TMEM132C: variants seen among roughly 807,000 people sequenced by gnomAD.
TMEM132C encodes protein phosphatase 1, regulatory subunit 152.
A neutral mutation model predicts 61.4 loss-of-function variants in TMEM132C; 29 were observed. The observed-to-expected ratio is 0.47, with a 90% CI of 0.35 to 0.64. TMEM132C has a LOEUF of 0.64. Among genes scored for constraint, TMEM132C ranks in the 30% least tolerant of loss-of-function variants. TMEM132C has a pLI of 0.00. For synonymous variants in TMEM132C, 656 were observed against 633.1 expected, an observed-to-expected ratio of 1.04 and a Z score of -0.54; for missense variants, 1,408 against 1,476.9, an observed-to-expected ratio of 0.95 and a Z score of 0.76.
At chr12:128,622,351 AAAAAAAAAAATATATATATATATAT>A (rs1953970579) in intron 4 of TMEM132C, among the ~76,000 whole-genome samples, 1 of 64,064 alleles carries the variant, frequency 1.6e-5, no homozygotes, top group African/African-American at 8.3e-5. Flanking sequence ...CTCAAAAAAA[AAAAAAAAAAATATATATATATATAT>A]ATATATATAT....
At chr12:128,358,493 T>TTTGTGTGTGTGTGTG (rs1555220207) in intron 1 of TMEM132C, among the ~76,000 whole-genome samples, 10 of 144,900 alleles carry the variant, frequency 6.9e-5, no homozygotes, top group Non-Finnish European at 1.2e-4. Flanking sequence ...ACTTTTAAAA[T>TTTGTGTGTGTGTGTG]TGTGTGTGTG....
chr12:128,663,751 C>T (rs1954418860), intron 4 of TMEM132C, among the ~76,000 whole-genome samples: 1 of 152,042 alleles, frequency 6.6e-6, no homozygotes, highest in South Asian at 2.1e-4. Flanking sequence ...GTGCGAGTGC[C>T]TACTCTGTAG....
intron 2 of TMEM132C, among the ~76,000 whole-genome samples, chr12:128,483,031 C>T (rs555009589): frequency 2.0e-5 from 3 of 151,600 alleles, no homozygotes; most frequent in Non-Finnish European, 4.4e-5. Context: ...ATCGCTTGAG[C>T]CCAGCAGTAC....
chr12:128,570,923 T>G lies in TMEM132C; in HGVS notation c.1121+26820T>G, dbSNP rs1258119560. 1.3e-5 allele frequency among the ~76,000 whole-genome samples: 2 copies of G among 152,236 alleles called. No individual in the cohort carries two copies. The highest frequency in any genetic ancestry group is 1.3e-4 in the Admixed American group (2 of 15,280). The stretch of plus-strand genomic sequence containing the variant: ...CAATAAGGAAGTCTGGGGAAGTTAC[T>G]ATTTTCACTTTGGCACGTTACCACC... On this transcript the variant is annotated intron_variant, in intron 3 of 8. Transcript: ENST00000435159. The surrounding 1 kb of genome is among the most constrained non-coding windows in gnomAD (Gnocchi z 4.7).
intron 1 of TMEM132C, among the ~76,000 whole-genome samples, chr12:128,338,979 A>G (rs1285384980): frequency 1.3e-5 from 2 of 152,016 alleles, no homozygotes; most frequent in African/African-American, 2.4e-5. Flanking sequence ...AGGAGGACTT[A>G]ACTTAAGCAT....
At chr12:128,563,608 C>G (rs1565975455) in intron 3 of TMEM132C, among the ~76,000 whole-genome samples, 1 of 152,158 alleles carries the variant, frequency 6.6e-6, no homozygotes, top group Non-Finnish European at 1.5e-5. Flanking sequence ...GCCATGCGCT[C>G]TCGGGCAAGT....
At chr12:128,462,914 C>T (rs758618530) in intron 2 of TMEM132C, among the ~76,000 whole-genome samples, 3 of 152,256 alleles carry the variant, frequency 2.0e-5, no homozygotes, top group Non-Finnish European at 2.9e-5. Context: ...TTGTTTTTCT[C>T]ATAGATCAAT....
intron 1 of TMEM132C, among the ~76,000 whole-genome samples, chr12:128,402,379 G>A (rs1875190500): frequency 6.6e-6 from 1 of 152,000 alleles, no homozygotes; most frequent in Admixed American, 6.6e-5. Flanking sequence ...AACTTTTCCT[G>A]ATCCTCTCCC....
chr12:128,299,469 A>G (rs976471519), intron 1 of TMEM132C, among the ~76,000 whole-genome samples: 1 of 152,220 alleles, frequency 6.6e-6, no homozygotes, highest in African/African-American at 2.4e-5. Context: ...GGCTACTGAG[A>G]TGCTCTTAGA....
intron 1 of TMEM132C, among the ~76,000 whole-genome samples, chr12:128,407,940 A>G (rs1875404537): frequency 7.8e-6 from 1 of 128,316 alleles, no homozygotes; most frequent in African/African-American, 2.8e-5. Flanking sequence ...ACAGGTCTCA[A>G]TCTCTCTTTC....
At chr12:128,590,662 T>C (rs1039850080) in intron 3 of TMEM132C, among the ~76,000 whole-genome samples, 1 of 152,154 alleles carries the variant, frequency 6.6e-6, no homozygotes, top group Non-Finnish European at 1.5e-5. Flanking sequence ...TTGAGTCACA[T>C]CACATAAGGA....
chr12:128,689,107 C>T lies in TMEM132C; in HGVS notation c.1450-4722C>T, dbSNP rs1485233933. ...TGTTGGGATTACAGACATGAGCCAC[C>T]GTGCCCAGGCTTCTTTTCTGTTTTC... On this transcript the variant is annotated intron_variant, in intron 5 of 8. Coordinates refer to ENST00000435159, the MANE Select transcript of TMEM132C (RefSeq NM_001136103.3). 2.6e-5 allele frequency among the ~76,000 whole-genome samples: 4 copies of T among 152,044 alleles called. No homozygotes were observed. In the East Asian group the frequency reaches 5.8e-4, roughly 22 times the overall value.
At chr12:128,384,078 A>G (rs1874500560) in intron 1 of TMEM132C, among the ~76,000 whole-genome samples, 1 of 152,176 alleles carries the variant, frequency 6.6e-6, no homozygotes, top group Admixed American at 6.5e-5. Flanking sequence ...AACAAATCCT[A>G]CAAAACAAAA....
intron 3 of TMEM132C, among the ~76,000 whole-genome samples, chr12:128,611,904 A>G (rs992058775): frequency 2.0e-5 from 3 of 152,246 alleles, no homozygotes; most frequent in African/African-American, 7.2e-5. Context: ...CAGCGACACC[A>G]AATCGCCCAG....
intron 3 of TMEM132C, among the ~76,000 whole-genome samples, chr12:128,593,691 CAG>C (rs1048330623): frequency 1.3e-5 from 2 of 152,208 alleles, no homozygotes; most frequent in Non-Finnish European, 2.9e-5. Context: ...ACACCCAGCT[CAG>C]GGCATCTGCA....
chr12:128,321,068 A>T, intron 1 of TMEM132C, among the ~76,000 whole-genome samples: 1 of 150,994 alleles, frequency 6.6e-6, no homozygotes, highest in East Asian at 1.9e-4. Context: ...TAAACCATTA[A>T]CACTAAAGAG....
intron 5 of TMEM132C, among the ~76,000 whole-genome samples, chr12:128,670,016 G>A (rs1354249215): frequency 2.0e-5 from 3 of 152,260 alleles, no homozygotes; most frequent in Admixed American, 2.0e-4. Flanking sequence ...TTTATGTGAT[G>A]AGAACTTAAT....
chr12:128,395,125 T>G (rs1408298738), intron 1 of TMEM132C, among the ~76,000 whole-genome samples: 2 of 151,306 alleles, frequency 1.3e-5, no homozygotes, highest in Non-Finnish European at 2.9e-5. Flanking sequence ...TTCTTGTTAT[T>G]GTAACATAAT....
chr12:128,429,332 C>T lies in TMEM132C; in HGVS notation c.974+13712C>T, dbSNP rs151268464. Among the ~76,000 whole-genome samples, 286 of 152,328 alleles carry T rather than the reference C, an allele frequency of 1.9e-3. 1 individual carries two copies. The highest frequency in any genetic ancestry group is 6.5e-3 in the African/African-American group (269 of 41,566). The stretch of plus-strand genomic sequence containing the variant: ...TATTCTAATCCCAAATGCCAGTCAA[C>T]GTGCAGCGATGGAGAAACCCTGAGA... On this transcript the variant is annotated intron_variant, in intron 2 of 8. Transcript: ENST00000435159.
Sources: gnomAD v4.1 joint callset for allele counts (sites outside exome capture counted in the v4.1 genomes callset) on GRCh38, gnomAD v4.1.1 for gene constraint, Gnocchi (gnomAD v3.1) non-coding constraint, MANE v1.5 for transcripts, NCBI Gene and HGNC (gene_info 2026-07-23, HGNC 2026-07-21) for gene names.